Variants in FSHR observed in about 807,000 individuals in gnomAD.
FSHR encodes the protein follicle-stimulating hormone receptor.
FSHR carries 46 observed loss-of-function variants against 52.1 expected under a neutral mutation model. That is an observed-to-expected ratio of 0.88 (90% CI 0.70 to 1.13). The LOEUF is 1.13. Ranked by LOEUF, FSHR falls within the 50% of genes most tolerant of loss-of-function variation. The pLI is 0.00. For missense variants in FSHR, 964 were observed against 834.6 expected, an observed-to-expected ratio of 1.16 and a Z score of -1.91; for synonymous variants, 399 against 309.6, an observed-to-expected ratio of 1.29 and a Z score of -3.03.
intron 4 of FSHR, among the ~76,000 whole-genome samples, chr2:48,996,427 A>G (rs1676025535): frequency 6.6e-6 from 1 of 152,106 alleles, no homozygotes; most frequent in Non-Finnish European, 1.5e-5. Flanking sequence ...TGGTGGCAAC[A>G]TTTTTGTCAT....
At chr2:49,008,276 G>A (rs1667143087) in intron 4 of FSHR, among the ~76,000 whole-genome samples, 2 of 133,452 alleles carry the variant, frequency 1.5e-5, no homozygotes, top group South Asian at 2.6e-4. Context: ...AATATGCGGT[G>A]TTTGGTTTTT....
chr2:49,130,371 A>G (rs1672220415), intron 1 of FSHR, among the ~76,000 whole-genome samples: 1 of 152,200 alleles, frequency 6.6e-6, no homozygotes, highest in South Asian at 2.1e-4. Flanking sequence ...AGTGTCCTCA[A>G]TAGCCAGGAA....
chr2:49,152,888 G>T (rs1427321592), intron 1 of FSHR, among the ~76,000 whole-genome samples: 1 of 152,204 alleles, frequency 6.6e-6, no homozygotes. Context: ...TGACTTATAG[G>T]AGCTCAGGTA....
intron 2 of FSHR, among the ~76,000 whole-genome samples, chr2:49,058,823 A>T (rs558092458): frequency 1.3e-5 from 2 of 152,220 alleles, no homozygotes; most frequent in African/African-American, 4.8e-5. Context: ...CAATGGAAAA[A>T]CATCCCAAGC....
intron 4 of FSHR, among the ~76,000 whole-genome samples, chr2:48,994,318 G>A (rs553151858): frequency 6.6e-6 from 1 of 152,246 alleles, no homozygotes; most frequent in South Asian, 2.1e-4. Context: ...AGTTATGAGT[G>A]CATCATTTAA....
At chr2:48,990,793 A>G (rs1675736561) in intron 4 of FSHR, among the ~76,000 whole-genome samples, 156 bp from the exon 5 acceptor site, 2 of 152,060 alleles carry the variant, frequency 1.3e-5, no homozygotes, top group African/African-American at 4.8e-5. Flanking sequence ...CATGTTTTCT[A>G]TTTTAAGGTT....
intron 1 of FSHR, among the ~76,000 whole-genome samples, chr2:49,131,585 A>T (rs1182667382): frequency 6.6e-6 from 1 of 152,144 alleles, no homozygotes; most frequent in East Asian, 1.9e-4. Flanking sequence ...CTTTCTACCT[A>T]AACCTCCACA....
intron 8 of FSHR, among the ~76,000 whole-genome samples, chr2:48,971,538 T>C (rs1347267276): frequency 6.6e-6 from 1 of 152,196 alleles, no homozygotes; most frequent in African/African-American, 2.4e-5. Context: ...AAGATTTACA[T>C]TTTCAGAACA....
chr2:49,024,540 G>C (rs1227300111), intron 2 of FSHR, among the ~76,000 whole-genome samples: 6 of 152,092 alleles, frequency 3.9e-5, no homozygotes, highest in Non-Finnish European at 8.8e-5. Flanking sequence ...CTAAACTCCA[G>C]ATTTTGGTGA....
At chr2:49,021,882 TATATAGAGAGAG>T (rs1394836716) in intron 2 of FSHR, among the ~76,000 whole-genome samples, 25 of 43,922 alleles carry the variant, frequency 5.7e-4, no homozygotes, top group African/African-American at 1.8e-3. Flanking sequence ...TATATATATA[TATATAGAGAGAG>T]AGAGAGAGAG....
chr2:48,994,696 A>C (rs1446098236), intron 4 of FSHR, among the ~76,000 whole-genome samples: 1 of 152,162 alleles, frequency 6.6e-6, no homozygotes, highest in East Asian at 1.9e-4. Context: ...GCTTTTGTCA[A>C]ATGACTGTTT....
chr2:48,965,137 CT>C (rs1286347410), intron 9 of FSHR, among the ~76,000 whole-genome samples: 1 of 152,002 alleles, frequency 6.6e-6, no homozygotes, highest in African/African-American at 2.4e-5. Flanking sequence ...AGTATCAAAC[CT>C]TCTTAAGAAG....
intron 2 of FSHR, among the ~76,000 whole-genome samples, chr2:49,039,007 G>A (rs56362228): frequency 3.5e-4 from 53 of 152,288 alleles, no homozygotes; most frequent in South Asian, 1.0e-3. Flanking sequence ...TGCTGGATGA[G>A]TATGCCTTCT....
At chr2:49,116,610 A>G (rs1671608646) in intron 1 of FSHR, among the ~76,000 whole-genome samples, 1 of 152,206 alleles carries the variant, frequency 6.6e-6, no homozygotes, top group Non-Finnish European at 1.5e-5. Flanking sequence ...GATAAATGAT[A>G]GTTGAAGATG....
chr2:49,121,506 G>C (rs540520196), intron 1 of FSHR, among the ~76,000 whole-genome samples: 1 of 149,250 alleles, frequency 6.7e-6, no homozygotes, highest in Non-Finnish European at 1.5e-5. Flanking sequence ...GTTGAAAGCA[G>C]TGTGGGAAGT....
At position 48,981,389 on chromosome 2, in the gene FSHR, A is replaced by ATG. The variant is rs762303814; in HGVS notation, c.668+1521_668+1522dup. On this transcript the variant is annotated intron_variant, in intron 8 of 9. Coordinates refer to ENST00000406846, the MANE Select transcript of FSHR (RefSeq NM_000145.4). ...TTATCTGATGAGTGAAAAAATATTT[A>ATG]TGTGTGTGTGTGTGTTTTATGCTTC... 3.3e-3 allele frequency among the ~76,000 whole-genome samples: 502 copies of ATG among 152,056 alleles called. 2 individuals are homozygous for ATG. Among genetic ancestry groups the ATG allele is most frequent in the African/African-American group, 0.011 (474 of 41,510 alleles).
intron 1 of FSHR, among the ~76,000 whole-genome samples, chr2:49,086,754 C>CCT (rs1558433570): frequency 6.6e-6 from 1 of 152,202 alleles, no homozygotes; most frequent in Non-Finnish European, 1.5e-5. Flanking sequence ...GATTCTCCCA[C>CCT]CTCAGCCTCC....
intron 4 of FSHR, among the ~76,000 whole-genome samples, chr2:49,013,929 G>A (rs1450614478): frequency 1.3e-5 from 2 of 151,950 alleles, no homozygotes; most frequent in Admixed American, 6.6e-5. Context: ...GAAGAGACAT[G>A]GGATCTCTCT....
At position 48,990,601 on chromosome 2, in the gene FSHR, A is replaced by T. The variant is rs774182075; in HGVS notation, c.411T>A (p.Asp137Glu). 2 of 1,612,254 alleles carry T rather than the reference A, an allele frequency of 1.2e-6. No homozygotes were observed. Among genetic ancestry groups the T allele is most frequent in the African/African-American group, 2.7e-5 (2 of 74,896 alleles). ...ISNTGIKHLPDVHKIHSLQKV... is the reference protein window; with the variant it reads ...ISNTGIKHLPEVHKIHSLQKV... Reference sequence around the variant, plus strand: ...TTTGGAGAGAATGAATCTTGTGAACATCTGGAAGGTGCTTAATACCTGTGT... The same window carrying T: ...TTTGGAGAGAATGAATCTTGTGAACTTCTGGAAGGTGCTTAATACCTGTGT... Residue 137 changes from aspartate to glutamate, a missense_variant, in exon 5 of 10, where the codon GAT becomes GAA. Physicochemically the swap from Asp to Glu is conservative, Grantham distance 45 (BLOSUM62 2). Coordinates refer to ENST00000406846, the MANE Select transcript of FSHR (RefSeq NM_000145.4).
Sources: allele counts gnomAD v4.1 joint callset (sites outside exome capture counted in the v4.1 genomes callset), GRCh38; gene constraint gnomAD v4.1.1; transcripts MANE v1.5; gene names NCBI Gene and HGNC (gene_info 2026-07-23, HGNC 2026-07-21).